Variants in CLSTN2 observed in about 807,000 individuals in gnomAD.
The protein encoded by CLSTN2 is calsyntenin-2.
CLSTN2 carries 48 observed loss-of-function variants against 101.2 expected under a neutral mutation model. That is an observed-to-expected ratio of 0.47 (90% CI 0.38 to 0.60). The LOEUF (loss-of-function observed/expected upper bound fraction) is 0.60, where lower values mean the gene tolerates loss of function less well. Ranked by LOEUF, CLSTN2 falls within the 20% of genes least tolerant of loss-of-function variation. The pLI is 0.00. For synonymous variants in CLSTN2, 481 were observed against 463.6 expected, an observed-to-expected ratio of 1.04 and a Z score of -0.48; for missense variants, 1,160 against 1,238.2, an observed-to-expected ratio of 0.94 and a Z score of 0.95.
intron 8 of CLSTN2, among the ~76,000 whole-genome samples, chr3:140,477,319 A>G (rs1033375722): frequency 2.6e-5 from 4 of 152,182 alleles, no homozygotes; most frequent in Admixed American, 6.5e-5. Context: ...GAAGGAAGCA[A>G]GGTCTCATTA....
intron 5 of CLSTN2, among the ~76,000 whole-genome samples, chr3:140,445,140 C>A (rs186555059): frequency 1.3e-5 from 2 of 152,216 alleles, no homozygotes; most frequent in African/African-American, 4.8e-5. Flanking sequence ...GTTCCTAAAA[C>A]TCTTTTATAC....
intron 2 of CLSTN2, among the ~76,000 whole-genome samples, chr3:140,250,769 T>TC (rs1330962269): frequency 6.6e-6 from 1 of 152,158 alleles, no homozygotes; most frequent in Non-Finnish European, 1.5e-5. Context: ...ATCACTTTTT[T>TC]CCCCCAAACT....
intron 11 of CLSTN2, among the ~76,000 whole-genome samples, chr3:140,557,640 C>A (rs963829048): frequency 2.0e-5 from 3 of 152,100 alleles, no homozygotes; most frequent in African/African-American, 7.2e-5. Context: ...TTTCACCCAC[C>A]CATAGAAGAG....
intron 2 of CLSTN2, among the ~76,000 whole-genome samples, chr3:140,289,647 G>C (rs773809189): frequency 1.3e-5 from 2 of 152,000 alleles, no homozygotes; most frequent in Non-Finnish European, 2.9e-5. Flanking sequence ...AACAGACAAT[G>C]GGTGACTTAA....
chr3:139,951,386 G>C (rs544774431), intron 1 of CLSTN2, among the ~76,000 whole-genome samples: 40 of 152,342 alleles, frequency 2.6e-4, no homozygotes, highest in African/African-American at 9.4e-4. Flanking sequence ...ATTTCACAAG[G>C]AGATCTTCTG....
chr3:140,166,165 C>G (rs758445079), intron 1 of CLSTN2, among the ~76,000 whole-genome samples: 2 of 152,192 alleles, frequency 1.3e-5, no homozygotes, highest in Non-Finnish European at 2.9e-5. Flanking sequence ...TAACTTTTGT[C>G]TCAAGATTTC....
chr3:140,441,740 T>G (rs1244032991), intron 5 of CLSTN2, among the ~76,000 whole-genome samples: 1 of 152,172 alleles, frequency 6.6e-6, no homozygotes, highest in Non-Finnish European at 1.5e-5. Flanking sequence ...GAAGTCAGCT[T>G]CTGTCACTCC....
intron 2 of CLSTN2, among the ~76,000 whole-genome samples, chr3:140,342,512 C>T (rs1195415359): frequency 6.6e-6 from 1 of 152,082 alleles, no homozygotes; most frequent in African/African-American, 2.4e-5. Flanking sequence ...TCACCTTTCA[C>T]TGCAGAGAGC....
At chr3:140,308,730 A>G (rs1475499602) in intron 2 of CLSTN2, among the ~76,000 whole-genome samples, 1 of 152,260 alleles carries the variant, frequency 6.6e-6, no homozygotes, top group Non-Finnish European at 1.5e-5. Flanking sequence ...CCAAATTATT[A>G]AACAATGTTC....
Position 140,253,231 on chromosome 3 carries a change from G to A in CLSTN2, c.232+77158G>A, listed in dbSNP as rs114282609. Among the ~76,000 whole-genome samples the A allele has an allele frequency of 1.3e-3, 204 of 152,190 alleles. 1 individual carries two copies. The highest frequency in any genetic ancestry group is 4.5e-3 in the African/African-American group (188 of 41,512). On this transcript the variant is annotated intron_variant, in intron 2 of 16. Transcript: ENST00000458420. The stretch of plus-strand genomic sequence containing the variant: ...GACTGAGTCAGCTAGTTGTGGTCAC[G>A]GGCAGGAGTAGGAGGAGGAAGGTAG...
rs564453778 is a variant in CLSTN2, at chr3:140,145,635, C to T, written c.110-30316C>T. 4.6e-5 allele frequency among the ~76,000 whole-genome samples: 7 copies of T among 152,360 alleles called. No individual in the cohort carries two copies. The East Asian group carries it at 1.4e-3, about 29-fold the overall frequency. ...CTAGCCAAGGCTTGTTGTGCTTAAG[C>T]AGCACCTCTGCCCAGGGCTGCTCCT... is the stretch of plus-strand genomic sequence containing the variant. On this transcript the variant is annotated intron_variant, in intron 1 of 16. Coordinates refer to ENST00000458420, the MANE Select transcript of CLSTN2 (RefSeq NM_022131.3).
At chr3:140,309,147 A>G (rs2087140926) in intron 2 of CLSTN2, among the ~76,000 whole-genome samples, 1 of 152,232 alleles carries the variant, frequency 6.6e-6, no homozygotes, top group Non-Finnish European at 1.5e-5. Flanking sequence ...TAACTAAACA[A>G]CTAATTATTT....
At position 140,558,862 on chromosome 3, in the gene CLSTN2, A is replaced by G. The variant is rs759989497; in HGVS notation, c.2041+5A>G. 3.7e-6 allele frequency: 6 copies of G among 1,612,730 alleles called. No homozygotes were observed. Among genetic ancestry groups the G allele is most frequent in the African/African-American group, 2.7e-5 (2 of 75,004 alleles). ...CCGGGGACGTGAAAACCACAGGTAC[A>G]GGTGCATTTGAGTTTGTGGGGAGGG... is the stretch of plus-strand genomic sequence containing the variant. On this transcript the variant is annotated splice_donor_5th_base_variant and intron_variant, in intron 12 of 16. Transcript: ENST00000458420.
intron 2 of CLSTN2, among the ~76,000 whole-genome samples, chr3:140,227,065 C>A (rs1203434114): frequency 6.6e-6 from 1 of 152,176 alleles, no homozygotes; most frequent in Non-Finnish European, 1.5e-5. Context: ...ATTTCAAAAC[C>A]AATCATGCCT....
intron 1 of CLSTN2, among the ~76,000 whole-genome samples, chr3:140,109,990 T>C (rs1384645972): frequency 1.3e-5 from 2 of 152,106 alleles, no homozygotes; most frequent in Non-Finnish European, 2.9e-5. Flanking sequence ...GTGCCAGCCC[T>C]CATCAGCCTT....
chr3:139,979,716 G>A (rs946451688), intron 1 of CLSTN2, among the ~76,000 whole-genome samples: 3 of 150,812 alleles, frequency 2.0e-5, no homozygotes, highest in South Asian at 2.1e-4. Flanking sequence ...GTATCCCTGA[G>A]GAATACTATT....
intron 8 of CLSTN2, among the ~76,000 whole-genome samples, chr3:140,491,834 T>C (rs528023510): frequency 6.6e-5 from 10 of 152,220 alleles, no homozygotes; most frequent in African/African-American, 2.4e-4. Flanking sequence ...AATACTTAAG[T>C]AAAAGTAAGC....
At chr3:139,993,013 G>A (rs1390342511) in intron 1 of CLSTN2, among the ~76,000 whole-genome samples, 1 of 152,124 alleles carries the variant, frequency 6.6e-6, no homozygotes, top group Non-Finnish European at 1.5e-5. Flanking sequence ...TTCTTCTAAA[G>A]TTCATTTTCA....
chr3:140,514,030 T>C (rs1454499319), intron 8 of CLSTN2, among the ~76,000 whole-genome samples: 1 of 152,126 alleles, frequency 6.6e-6, no homozygotes, highest in Admixed American at 6.6e-5. Context: ...ATTAATTTTT[T>C]CAAAAGGCAG....
Sources: allele counts gnomAD v4.1 joint callset (sites outside exome capture counted in the v4.1 genomes callset), GRCh38; gene constraint gnomAD v4.1.1; transcripts MANE v1.5; gene names NCBI Gene and HGNC (gene_info 2026-07-23, HGNC 2026-07-21).